Variants in LRRC56 observed in about 807,000 individuals in gnomAD.
LRRC56 encodes the protein leucine-rich repeat-containing protein 56.
Under a neutral mutation model 47.8 loss-of-function variants are expected in LRRC56, and 41 were observed. The ratio of observed to expected loss-of-function variants is 0.86; its 90% CI spans 0.67 to 1.11. LRRC56 has a LOEUF of 1.11. Among genes scored for constraint, LRRC56 ranks in the 50% most tolerant of loss-of-function variants. The probability of loss-of-function intolerance (pLI) is 0.00; values close to 1 mark genes in which losing one functional copy is unlikely to be tolerated. For missense variants in LRRC56, 759 were observed against 704.2 expected (o/e 1.08, Z -0.88); for synonymous variants, 387 against 311.2 (o/e 1.24, Z -2.56).
intron 13 of LRRC56, 25 bp downstream of exon 13, chr11:552,727 C>T (rs1324218657): frequency 6.3e-7 from 1 of 1,581,094 alleles, no homozygotes; most frequent in Non-Finnish European, 8.6e-7. Flanking sequence ...CGCCTGCCCC[C>T]CAGTGCCTGG....
chr11:550,511 C>T (rs73403404), intron 8 of LRRC56, among the ~76,000 whole-genome samples: 13 of 152,314 alleles, frequency 8.5e-5, no homozygotes, highest in Middle Eastern at 6.8e-3. Flanking sequence ...CCTTAACCCA[C>T]ATATGCACCT....
rs1374719954 is a variant in LRRC56, at chr11:554,556, T to TG, written c.*286dup. The TG allele has an allele frequency of 2.0e-5, 6 of 307,094 alleles. No homozygotes were observed. The highest frequency in any genetic ancestry group is 7.3e-4 in the Middle Eastern group (1 of 1,378). 19.0% of individuals were successfully genotyped at this position (307,094 alleles called of 1,614,324 possible). ...CCAGGCTTTCCCGCGGGCACGGGGG[T>TG]GGGGGGTGGTCACCCGAGCAGGCCT... On this transcript the variant is annotated 3_prime_UTR_variant, in exon 14 of 14. Transcript: ENST00000270115.
the LRRC56 span, among the ~76,000 whole-genome samples, chr11:519,045 T>C: frequency 0.046 from 6,913 of 150,888 alleles, 185 homozygotes; most frequent in Middle Eastern, 0.092. Flanking sequence ...CGAGGGCAGC[T>C]CCCGTGTGTC....
At chr11:547,997 G>A (rs1852176924) in intron 6 of LRRC56, among the ~76,000 whole-genome samples, 1 of 151,900 alleles carries the variant, frequency 6.6e-6, no homozygotes, top group Non-Finnish European at 1.5e-5. Context: ...GTGGTGGCGG[G>A]CACCTGTAAT....
chr11:543,525 CT>C (rs1394041596), intron 5 of LRRC56, among the ~76,000 whole-genome samples: 2 of 152,118 alleles, frequency 1.3e-5, no homozygotes, highest in African/African-American at 4.8e-5. Flanking sequence ...CCACAGTGAC[CT>C]TTAGAGCAGG....
chr11:515,600 G>T, the LRRC56 span, among the ~76,000 whole-genome samples: 1 of 152,190 alleles, frequency 6.6e-6, no homozygotes, highest in Admixed American at 6.5e-5. Flanking sequence ...CACTTTGAGA[G>T]GCCAAGGCGG....
At chr11:508,769 C>T in the LRRC56 span, among the ~76,000 whole-genome samples, 1 of 150,896 alleles carries the variant, frequency 6.6e-6, no homozygotes, top group African/African-American at 2.4e-5. Context: ...TCTGGCTGGG[C>T]GCGGTGGCTC....
Position 540,747 on chromosome 11 carries a change from G to A in LRRC56, c.63G>A (p.Arg21=), listed in dbSNP as rs1261376027. ...GGAGCACCTCCAGCGTCCGGGTGCG[G>A]GAGCTGAGCTGGCAAGGCCTGCACA... ...PRRSTSSVRV[R]ELSWQGLHNP... Residue 21 remains arginine, a synonymous_variant, in exon 4 of 14, where the codon CGG becomes CGA. Coordinates refer to ENST00000270115, the MANE Select transcript of LRRC56 (RefSeq NM_198075.4). 3 of 1,611,968 alleles carry A rather than the reference G, an allele frequency of 1.9e-6. No homozygotes were observed. The highest frequency in any genetic ancestry group is 3.3e-5 in the Admixed American group (2 of 59,886).
the LRRC56 span, among the ~76,000 whole-genome samples, chr11:509,608 C>T: frequency 1.3e-5 from 2 of 152,122 alleles, no homozygotes; most frequent in East Asian, 1.9e-4. Context: ...AGTGCAGTGG[C>T]GCGATCTCGG....
chr11:513,218 C>G, the LRRC56 span, among the ~76,000 whole-genome samples: 1 of 152,222 alleles, frequency 6.6e-6, no homozygotes. Context: ...CGCAGTGGCG[C>G]AATCTCGGCT....
intron 3 of LRRC56, among the ~76,000 whole-genome samples, chr11:540,181 C>G: frequency 6.6e-6 from 1 of 152,202 alleles, no homozygotes; most frequent in Admixed American, 6.5e-5. Context: ...TGAAGGGGCT[C>G]GGCTGGCACA....
chr11:554,728 G>A lies in LRRC56; in HGVS notation c.*452G>A, dbSNP rs1391830913. 3 of 454,074 alleles carry A rather than the reference G, an allele frequency of 6.6e-6. No individual in the cohort carries two copies. In the Admixed American group the frequency reaches 1.3e-4, roughly 19 times the overall value. 28.1% of individuals were successfully genotyped at this position (454,074 alleles called of 1,614,324 possible). A position where few individuals can be genotyped will look rare whatever the true frequency, so the allele number is the denominator to read the frequency against. ...TCCCAGCTGCTCGCCTGAGGCCGCC[G>A]GGGGTGCGGTCCAGGCCTCCCGTCT... On this transcript the variant is annotated 3_prime_UTR_variant, in exon 14 of 14. Coordinates refer to ENST00000270115, the MANE Select transcript of LRRC56 (RefSeq NM_198075.4).
At chr11:531,382 G>C in the LRRC56 span, among the ~76,000 whole-genome samples, 1 of 152,180 alleles carries the variant, frequency 6.6e-6, no homozygotes, top group Non-Finnish European at 1.5e-5. Flanking sequence ...GGGCACCAGG[G>C]GCGCTGTGGG....
chr11:534,031 C>T (rs547844807), upstream of LRRC56: 3 of 1,390,200 alleles, frequency 2.2e-6, no homozygotes, highest in Non-Finnish European at 3.0e-6. Flanking sequence ...ACCTCTCATG[C>T]CCCTCATGCC....
the LRRC56 span, among the ~76,000 whole-genome samples, chr11:523,317 C>T: frequency 2.0e-5 from 3 of 151,550 alleles, no homozygotes; most frequent in African/African-American, 7.2e-5. Context: ...AGCCACCTCG[C>T]CCAGCAATAT....
At chr11:544,618 A>G (rs1851981373) in intron 5 of LRRC56, 102 bp from the exon 6 acceptor site, 1 of 1,222,258 alleles carries the variant, frequency 8.2e-7, no homozygotes, top group South Asian at 1.2e-5. Flanking sequence ...CTGGCCCACG[A>G]GCAGTGAGGG....
the LRRC56 span, among the ~76,000 whole-genome samples, chr11:518,937 A>G: frequency 6.6e-6 from 1 of 151,624 alleles, no homozygotes; most frequent in African/African-American, 2.4e-5. Flanking sequence ...TGACCTGGAA[A>G]CCCCGCCCCC....
chr11:552,397 C>T (rs1176945393), intron 12 of LRRC56, among the ~76,000 whole-genome samples, 165 bp downstream of exon 12: 2 of 151,824 alleles, frequency 1.3e-5, no homozygotes, highest in East Asian at 1.9e-4. Flanking sequence ...GCTGAGTCAT[C>T]GCTGGTCCCA....
chr11:551,987 G>GC lies in LRRC56; in HGVS notation c.1038+26dup. 12 of 1,612,194 alleles carry GC rather than the reference G, an allele frequency of 7.4e-6. No individual in the cohort carries two copies. The highest frequency in any genetic ancestry group is 1.0e-5 in the Non-Finnish European group (12 of 1,179,578). ...TGCCAGGTACAGCCCACAGGGACCAGCCCCCCACGAGAACCAGTGTCCAGG... is the reference window on the plus strand; with the variant it reads ...TGCCAGGTACAGCCCACAGGGACCAGCCCCCCCACGAGAACCAGTGTCCAGG... On this transcript the variant is annotated intron_variant, in intron 11 of 13. Transcript: ENST00000270115.
Sources: allele counts gnomAD v4.1 joint callset (sites outside exome capture counted in the v4.1 genomes callset), GRCh38; gene constraint gnomAD v4.1.1; transcripts MANE v1.5; gene names NCBI Gene and HGNC (gene_info 2026-07-23, HGNC 2026-07-21).